RREB1: variants seen among roughly 807,000 people sequenced by gnomAD.
RREB1 encodes the protein ras-responsive element-binding protein 1.
Under a neutral mutation model 117.8 loss-of-function variants are expected in RREB1, and 27 were observed. The observed-to-expected ratio is 0.23, with a 90% CI of 0.17 to 0.32. The LOEUF (loss-of-function observed/expected upper bound fraction) is 0.32, where lower values mean the gene tolerates loss of function less well. Among genes scored for constraint, RREB1 ranks in the 10% least tolerant of loss-of-function variants. The probability of loss-of-function intolerance (pLI) is 1.00; values close to 1 mark genes in which losing one functional copy is unlikely to be tolerated. For synonymous variants in RREB1, 1,298 were observed against 1,026.7 expected (o/e 1.26, Z -5.05); for missense variants, 2,577 against 2,378.2 (o/e 1.08, Z -1.74).
chr6:7,112,110 G>A (rs182970374), intron 1 of RREB1, among the ~76,000 whole-genome samples: 75 of 152,100 alleles, frequency 4.9e-4, no homozygotes, highest in Middle Eastern at 3.4e-3. Flanking sequence ...AGTTTATTCC[G>A]CCCAGTTCAT....
chr6:7,195,273 G>A (rs1186778810), intron 6 of RREB1, among the ~76,000 whole-genome samples: 2 of 152,102 alleles, frequency 1.3e-5, no homozygotes, highest in African/African-American at 2.4e-5. Flanking sequence ...TGCAAATAAT[G>A]AGTTAAAAGA....
chr6:7,169,307 G>A (rs919052227), intron 1 of RREB1, among the ~76,000 whole-genome samples: 4 of 152,246 alleles, frequency 2.6e-5, no homozygotes, highest in African/African-American at 4.8e-5. Context: ...CTGGGGGTAG[G>A]TGAGGGTGCC....
chr6:7,166,013 GAT>G (rs1450630461), intron 1 of RREB1, among the ~76,000 whole-genome samples: 2 of 152,216 alleles, frequency 1.3e-5, no homozygotes, highest in Admixed American at 1.3e-4. Context: ...TCAGGGACAT[GAT>G]GCTTGTTTCA....
chr6:7,247,188 C>T lies in RREB1; in HGVS notation c.4738C>T (p.Gln1580Ter). ...GTGCAACAAGCGGTTCTGGTCGCTGCAGGACCTGACCCGGCACATGCGCTC... is the reference window on the plus strand; with the variant it reads ...GTGCAACAAGCGGTTCTGGTCGCTGTAGGACCTGACCCGGCACATGCGCTC... Reference protein sequence around the residue: ...SVCNKRFWSLQDLTRHMRSHT... With the variant: ...SVCNKRFWSL The change falls in exon 12 of 13, where the codon CAG (glutamine) becomes TAG (stop). Residue 1580 changes from glutamine (Q) to a stop codon, truncating the protein, a stop_gained. Transcript: ENST00000379938. LOFTEE classifies it high-confidence loss of function. The T allele has an allele frequency of 6.2e-7, 1 of 1,613,744 alleles. No homozygotes were observed.
rs367915939 is a variant in RREB1 at position 7,248,693 on chromosome 6, G to A, written c.4954G>A (p.Val1652Ile). ...NESTHSGNNA[V>I]SENEAELAPN... The stretch of plus-strand genomic sequence containing the variant: ...GTCCACCCACAGCGGCAACAACGCC[G>A]TCTCAGAGAACGAGGCTGAGCTGGC... Residue 1652 changes from valine to isoleucine, a missense_variant, in exon 13 of 13, where the codon GTC (valine) becomes ATC (isoleucine). Coordinates refer to ENST00000379938, the MANE Select transcript of RREB1 (RefSeq NM_001003699.4). 8.1e-6 allele frequency: 13 copies of A among 1,614,062 alleles called. No homozygotes were observed. The highest frequency in any genetic ancestry group is 4.0e-5 in the African/African-American group (3 of 74,914).
At chr6:7,206,334 A>T (rs1766269773) in intron 6 of RREB1, among the ~76,000 whole-genome samples, 1 of 152,260 alleles carries the variant, frequency 6.6e-6, no homozygotes, top group South Asian at 2.1e-4. Flanking sequence ...TGCTCACACC[A>T]AATTCTAGCA....
chr6:7,231,746 A>G lies in RREB1; in HGVS notation c.3647A>G (p.His1216Arg), dbSNP rs750658560. 1.9e-6 allele frequency: 3 copies of G among 1,613,718 alleles called. No individual in the cohort carries two copies. Among genetic ancestry groups the G allele is most frequent in the African/African-American group, 1.3e-5 (1 of 74,924 alleles). Residue 1216 changes from histidine to arginine, a missense_variant, in exon 10 of 13, where the codon CAT becomes CGT. Transcript: ENST00000379938. ...GTGGCCGGAGCCCCTGCCGACCACC[A>G]TGGGCCCAGTGATGAAGAGCAGGGC... ...DEVAGAPADH[H>R]GPSDEEQGSP...
intron 1 of RREB1, among the ~76,000 whole-genome samples, chr6:7,157,166 T>C (rs1172259530): frequency 6.6e-6 from 1 of 152,198 alleles, no homozygotes. Flanking sequence ...GCGCGGTGGC[T>C]CACGTCTGAA....
At chr6:7,171,717 G>A (rs1764219466) in intron 1 of RREB1, among the ~76,000 whole-genome samples, 1 of 152,168 alleles carries the variant, frequency 6.6e-6, no homozygotes, top group Non-Finnish European at 1.5e-5. Flanking sequence ...GGCAACATTA[G>A]AGGTGAGTGT....
chr6:7,158,943 A>C (rs1374806995), intron 1 of RREB1, among the ~76,000 whole-genome samples: 1 of 152,180 alleles, frequency 6.6e-6, no homozygotes, highest in African/African-American at 2.4e-5. Flanking sequence ...ACAGGATAAA[A>C]GAAGGACTGA....
chr6:7,246,783 G>C lies in RREB1; in HGVS notation c.4333G>C (p.Glu1445Gln). Residue 1445 changes from glutamate to glutamine, a missense_variant, in exon 12 of 13, where the codon GAG becomes CAG. Physicochemically the swap from Glu to Gln is conservative, Grantham distance 29 (BLOSUM62 2). Transcript: ENST00000379938. ...AGGCGCCGGGGGCGCGGCCTCGCAG[G>C]AGCAGAAGCTCGCCTGCGACACCTG... ...EAGAGGAASQ[E>Q]QKLACDTCGK... 6.4e-7 allele frequency: 1 copy of C among 1,551,806 alleles called. No individual in the cohort carries two copies. Among genetic ancestry groups the C allele is most frequent in the Non-Finnish European group, 8.7e-7 (1 of 1,149,516 alleles).
At chr6:7,226,378 T>TG (rs1767587658) in intron 8 of RREB1, 89 bp from the exon 9 acceptor site, 5 of 931,360 alleles carry the variant, frequency 5.4e-6, no homozygotes, top group Non-Finnish European at 7.7e-6. Flanking sequence ...CAACAAAAAC[T>TG]TAAGTCTGGA....
intron 4 of RREB1, among the ~76,000 whole-genome samples, chr6:7,184,157 CG>C (rs894403868): frequency 4.6e-5 from 7 of 151,632 alleles, no homozygotes; most frequent in African/African-American, 1.5e-4. Context: ...AAGGCCAGCC[CG>C]GGCAATATTA....
chr6:7,174,968 T>C (rs1764426378), intron 1 of RREB1, among the ~76,000 whole-genome samples: 1 of 152,170 alleles, frequency 6.6e-6, no homozygotes. Flanking sequence ...AGTGTGTTTT[T>C]ATTAATTATG....
intron 8 of RREB1, among the ~76,000 whole-genome samples, chr6:7,221,153 G>A (rs1020736709): frequency 1.3e-5 from 2 of 152,010 alleles, no homozygotes; most frequent in Non-Finnish European, 2.9e-5. Context: ...GAGGCAGGGA[G>A]GCAAGTGTTT....
At chr6:7,163,141 G>A (rs1302015042) in intron 1 of RREB1, among the ~76,000 whole-genome samples, 1 of 152,212 alleles carries the variant, frequency 6.6e-6, no homozygotes, top group Non-Finnish European at 1.5e-5. Flanking sequence ...CTTGATGAGA[G>A]CAGAGCGTTA....
At chr6:7,173,450 G>A (rs946828705) in intron 1 of RREB1, among the ~76,000 whole-genome samples, 10 of 151,420 alleles carry the variant, frequency 6.6e-5, no homozygotes, top group Non-Finnish European at 1.2e-4. Flanking sequence ...CCAAGATCGC[G>A]TCACTGCACT....
intron 6 of RREB1, among the ~76,000 whole-genome samples, chr6:7,197,039 C>T (rs1372288034): frequency 6.6e-6 from 1 of 152,138 alleles, no homozygotes; most frequent in Non-Finnish European, 1.5e-5. Context: ...GAAACTGAGC[C>T]AGAGCACGCC....
intron 11 of RREB1, among the ~76,000 whole-genome samples, chr6:7,244,357 G>C (rs1188446585): frequency 6.6e-6 from 1 of 151,958 alleles, no homozygotes; most frequent in Non-Finnish European, 1.5e-5. Flanking sequence ...AGGACCCCTT[G>C]AGCCCAGGAG....
Sources: gnomAD v4.1 joint callset for allele counts (sites outside exome capture counted in the v4.1 genomes callset) on GRCh38, gnomAD v4.1.1 for gene constraint, MANE v1.5 for transcripts, NCBI Gene and HGNC (gene_info 2026-07-23, HGNC 2026-07-21) for gene names.